GRID2: variants seen among roughly 807,000 people sequenced by gnomAD.
GRID2 encodes the protein glutamate ionotropic receptor delta type subunit 2, also known as glutamate receptor ionotropic, delta-2.
A neutral mutation model predicts 114.8 loss-of-function variants in GRID2; 33 were observed. The ratio of observed to expected loss-of-function variants is 0.29; its 90% CI spans 0.22 to 0.38. The LOEUF (loss-of-function observed/expected upper bound fraction) is 0.38. Ranked by LOEUF, GRID2 falls within the 10% of genes least tolerant of loss-of-function variation. GRID2 has a pLI of 1.00. For missense variants in GRID2, 1,184 were observed against 1,257.7 expected (o/e 0.94, Z 0.89); for synonymous variants, 505 against 449.9 (o/e 1.12, Z -1.55).
chr4:93,469,452 T>A (rs994510390), intron 11 of GRID2, among the ~76,000 whole-genome samples: 20 of 152,024 alleles, frequency 1.3e-4, no homozygotes, highest in African/African-American at 4.8e-4. Context: ...TTTTTATTAT[T>A]TTTATTTATT....
intron 14 of GRID2, among the ~76,000 whole-genome samples, chr4:93,678,150 C>A (rs59590735): frequency 0.064 from 9,658 of 151,848 alleles, 483 homozygotes; most frequent in African/African-American, 0.14. Flanking sequence ...CAGGAGCCGA[C>A]GCGATCAACT....
chr4:93,740,260 T>G (rs1012565426), intron 14 of GRID2, among the ~76,000 whole-genome samples: 1 of 152,238 alleles, frequency 6.6e-6, no homozygotes, highest in South Asian at 2.1e-4. Flanking sequence ...TTGTGTTAAG[T>G]TTACTCTCTA....
At chr4:93,452,897 T>C (rs1172445770) in intron 10 of GRID2, among the ~76,000 whole-genome samples, 1 of 152,054 alleles carries the variant, frequency 6.6e-6, no homozygotes, top group Non-Finnish European at 1.5e-5. Flanking sequence ...GGCCTTTTTT[T>C]TTTTATTATA....
At chr4:92,585,568 T>C (rs1480112582) in intron 1 of GRID2, among the ~76,000 whole-genome samples, 2 of 151,952 alleles carry the variant, frequency 1.3e-5, no homozygotes, top group African/African-American at 4.8e-5. Context: ...TTTAGAGTCT[T>C]TTATTTTAAA....
At chr4:92,442,839 C>A (rs1166305251) in intron 1 of GRID2, among the ~76,000 whole-genome samples, 14 of 152,016 alleles carry the variant, frequency 9.2e-5, no homozygotes. Context: ...CTTGACTATG[C>A]CTTTAGCTCC....
chr4:93,247,668 A>C (rs184536932), intron 8 of GRID2, among the ~76,000 whole-genome samples: 2 of 152,012 alleles, frequency 1.3e-5, no homozygotes, highest in Admixed American at 1.3e-4. Flanking sequence ...CCAGATAGCT[A>C]ATCTTGGAAC....
chr4:93,603,149 G>A (rs1247314781), intron 13 of GRID2, among the ~76,000 whole-genome samples: 4 of 152,122 alleles, frequency 2.6e-5, no homozygotes, highest in African/African-American at 7.2e-5. Flanking sequence ...GGCAGAGGTT[G>A]CAGTTAGCCA....
chr4:92,756,987 T>G (rs1472375340), intron 2 of GRID2, among the ~76,000 whole-genome samples: 3 of 152,114 alleles, frequency 2.0e-5, no homozygotes, highest in East Asian at 3.9e-4. Flanking sequence ...TCGTTTTGTT[T>G]CCTGTGATTT....
chr4:92,342,074 G>A (rs558806384), intron 1 of GRID2, among the ~76,000 whole-genome samples: 1 of 152,218 alleles, frequency 6.6e-6, no homozygotes, highest in Admixed American at 6.5e-5. Context: ...GCTGGGCACT[G>A]AGAATTCAGG....
At chr4:93,145,417 T>A (rs1736112670) in intron 4 of GRID2, among the ~76,000 whole-genome samples, 1 of 151,486 alleles carries the variant, frequency 6.6e-6, no homozygotes, top group Non-Finnish European at 1.5e-5. Flanking sequence ...TAATTTGTTT[T>A]CATTTTAATT....
At chr4:93,612,191 G>C (rs1741005947) in intron 13 of GRID2, among the ~76,000 whole-genome samples, 3 of 149,666 alleles carry the variant, frequency 2.0e-5, no homozygotes, top group Admixed American at 1.3e-4. Context: ...CTTTTATTTT[G>C]AGCCTATGTG....
At chr4:93,501,269 C>T (rs1278001247) in intron 12 of GRID2, among the ~76,000 whole-genome samples, 3 of 152,006 alleles carry the variant, frequency 2.0e-5, no homozygotes, top group Non-Finnish European at 4.4e-5. Flanking sequence ...CTCTAAGTAT[C>T]CTTTGTGTCA....
chr4:93,119,644 T>A (rs770656601), intron 4 of GRID2, among the ~76,000 whole-genome samples: 1 of 152,216 alleles, frequency 6.6e-6, no homozygotes, highest in Non-Finnish European at 1.5e-5. Context: ...AAACATACTT[T>A]ATGAAATAGT....
chr4:92,802,288 TGA>T (rs1266818214), intron 2 of GRID2, among the ~76,000 whole-genome samples: 1 of 151,928 alleles, frequency 6.6e-6, no homozygotes, highest in Non-Finnish European at 1.5e-5. Context: ...GTACTTACAT[TGA>T]CACATTATTA....
intron 13 of GRID2, among the ~76,000 whole-genome samples, chr4:93,566,326 A>G (rs550914422): frequency 1.3e-5 from 2 of 152,276 alleles, no homozygotes; most frequent in African/African-American, 4.8e-5. Context: ...GAGAAAATAA[A>G]ACCAAAGGGA....
At chr4:92,578,733 A>AATCTATCTGTCT (rs1728028511) in intron 1 of GRID2, among the ~76,000 whole-genome samples, 1 of 149,334 alleles carries the variant, frequency 6.7e-6, no homozygotes, top group Admixed American at 6.7e-5. Flanking sequence ...TCTATCTATC[A>AATCTATCTGTCT]ATCTATCTAT....
intron 14 of GRID2, among the ~76,000 whole-genome samples, chr4:93,680,091 G>T (rs1725358373): frequency 6.7e-6 from 1 of 149,436 alleles, no homozygotes; most frequent in Non-Finnish European, 1.5e-5. Flanking sequence ...AATGATAAAG[G>T]GGATATCACT....
chr4:92,494,418 T>C (rs1355538870), intron 1 of GRID2, among the ~76,000 whole-genome samples: 1 of 152,044 alleles, frequency 6.6e-6, no homozygotes, highest in Non-Finnish European at 1.5e-5. Flanking sequence ...AGTATTAGAA[T>C]TAGCTTACAT....
chr4:93,046,602 G>C (rs1203996199), intron 2 of GRID2, among the ~76,000 whole-genome samples: 2 of 151,912 alleles, frequency 1.3e-5, no homozygotes, highest in Non-Finnish European at 2.9e-5. Context: ...ATTTTAATCA[G>C]AGTAGTTTTC....
Sources: gnomAD v4.1 joint callset for allele counts (sites outside exome capture counted in the v4.1 genomes callset) on GRCh38, gnomAD v4.1.1 for gene constraint, MANE v1.5 for transcripts, NCBI Gene and HGNC (gene_info 2026-07-23, HGNC 2026-07-21) for gene names.